Variants in KIF11 observed in about 807,000 individuals in gnomAD.
KIF11 encodes kinesin-like protein KIF11.
Under a neutral mutation model 121.0 loss-of-function variants are expected in KIF11, and 9 were observed. The ratio of observed to expected loss-of-function variants is 0.07; its 90% CI spans 0.04 to 0.13. The LOEUF (loss-of-function observed/expected upper bound fraction) is 0.13, where lower values mean the gene tolerates loss of function less well. Among genes scored for constraint, KIF11 ranks in the 10% least tolerant of loss-of-function variants. The pLI, the probability that KIF11 is intolerant of heterozygous loss-of-function variation, is 1.00. For missense variants in KIF11, 846 were observed against 1,217.5 expected, an observed-to-expected ratio of 0.69 and a Z score of 4.54; for synonymous variants, 408 against 421.0, an observed-to-expected ratio of 0.97 and a Z score of 0.38.
At chr10:92,619,656 T>C (rs1418335699) in intron 9 of KIF11, among the ~76,000 whole-genome samples, 1 of 152,142 alleles carries the variant, frequency 6.6e-6, no homozygotes, top group African/African-American at 2.4e-5. Flanking sequence ...GTGTAACTTT[T>C]TTATTTTAGT....
In KIF11 at chr10:92,654,141, C is replaced by T. The variant is rs1845019314; in HGVS notation, c.*345C>T. On this transcript the variant is annotated 3_prime_UTR_variant, in exon 22 of 22. Transcript: ENST00000260731. The stretch of plus-strand genomic sequence containing the variant: ...AGTGAGCCAAAGGTACACCACTACA[C>T]TCCAGCCTGGGCAACAGAGCAAGAC... The T allele has an allele frequency of 5.7e-6, 1 of 174,180 alleles. No individual in the cohort carries two copies. The highest frequency in any genetic ancestry group is 2.4e-5 in the African/African-American group (1 of 42,110). 10.8% of individuals were successfully genotyped at this position (174,180 alleles called of 1,614,324 possible).
chr10:92,621,704 C>T (rs745853638), intron 10 of KIF11, among the ~76,000 whole-genome samples: 1 of 152,102 alleles, frequency 6.6e-6, no homozygotes, highest in Middle Eastern at 3.4e-3. Flanking sequence ...TGGGCTCAAG[C>T]GATCCTCCTG....
At position 92,630,381 on chromosome 10, in the gene KIF11, G is replaced by T; in HGVS notation, c.1494+17G>T. 1 of 1,500,030 alleles carries T rather than the reference G, an allele frequency of 6.7e-7. No individual in the cohort carries two copies. Among genetic ancestry groups the T allele is most frequent in the South Asian group, 1.4e-5 (1 of 70,492 alleles). 92.9% of individuals were successfully genotyped at this position (1,500,030 alleles called of 1,614,324 possible). On this transcript the variant is annotated intron_variant, in intron 12 of 21. Coordinates refer to ENST00000260731, the MANE Select transcript of KIF11 (RefSeq NM_004523.4). ...GCCAGCAAGGTTTGTCCCTTGTGTT[G>T]ATTTGTACTCATATTAAGTAGAGAA...
rs148384035 is a variant in KIF11, at chr10:92,620,843, C to T, written c.1129-542C>T. On this transcript the variant is annotated intron_variant, in intron 9 of 21. Coordinates refer to ENST00000260731, the MANE Select transcript of KIF11 (RefSeq NM_004523.4). ...ACAGCATGGAAAAGATCCGCCCCTACGATTCAGTCATCTCCCACCAGGTCC... is the reference window on the plus strand; with the variant it reads ...ACAGCATGGAAAAGATCCGCCCCTATGATTCAGTCATCTCCCACCAGGTCC... Among the ~76,000 whole-genome samples, 1,144 of 152,286 alleles carry T rather than the reference C, an allele frequency of 7.5e-3. 14 individuals are homozygous for T. The highest frequency in any genetic ancestry group is 0.026 in the African/African-American group (1,092 of 41,552).
At chr10:92,651,550 G>GTTTTTTT (rs1844984528) in intron 21 of KIF11, among the ~76,000 whole-genome samples, 1 of 35,284 alleles carries the variant, frequency 2.8e-5, no homozygotes. Context: ...TTTTTTTTTA[G>GTTTTTTT]TAGAGGGGGT....
chr10:92,646,293 T>G (rs1438944021), intron 18 of KIF11, among the ~76,000 whole-genome samples: 1 of 152,152 alleles, frequency 6.6e-6, no homozygotes, highest in East Asian at 1.9e-4. Flanking sequence ...TTCAAACCTA[T>G]TATTATTTTA....
chr10:92,648,604 A>G, intron 19 of KIF11, among the ~76,000 whole-genome samples, 170 bp downstream of exon 19: 1 of 152,232 alleles, frequency 6.6e-6, no homozygotes, highest in Non-Finnish European at 1.5e-5. Context: ...GTTTTAATCA[A>G]GTGTCATGAT....
chr10:92,609,283 AGAGAGAGAGAGAGAGAGAGAGTGT>A, intron 5 of KIF11, 78 bp downstream of exon 5: 2 of 1,256,086 alleles, frequency 1.6e-6, no homozygotes, highest in Non-Finnish European at 1.1e-6. Context: ...AGAGAGAGAG[AGAGAGAGAGAGAGAGAGAGAGTGT>A]GTGTGTGTGT....
At chr10:92,614,874 C>T (rs945727464) in intron 8 of KIF11, among the ~76,000 whole-genome samples, 3 of 152,140 alleles carry the variant, frequency 2.0e-5, no homozygotes, top group Admixed American at 2.0e-4. Flanking sequence ...ACTTAAATTC[C>T]TGGACTCAAG....
chr10:92,599,115 C>T (rs1844335482), intron 1 of KIF11, among the ~76,000 whole-genome samples: 1 of 151,264 alleles, frequency 6.6e-6, no homozygotes, highest in Admixed American at 6.7e-5. Flanking sequence ...ATAAGTCTTT[C>T]ACCTCCTTGG....
intron 6 of KIF11, among the ~76,000 whole-genome samples, chr10:92,610,014 C>T (rs918156829): frequency 2.6e-5 from 4 of 152,106 alleles, no homozygotes; most frequent in Non-Finnish European, 5.9e-5. Context: ...TGAGATTACA[C>T]GTGTGAGCCA....
intron 9 of KIF11, 54 bp downstream of exon 9, chr10:92,616,886 A>G: frequency 1.0e-6 from 1 of 994,492 alleles, no homozygotes; most frequent in Non-Finnish European, 1.5e-6. Flanking sequence ...ATGTGAAAAT[A>G]AGAAACTGAA....
intron 8 of KIF11, among the ~76,000 whole-genome samples, chr10:92,615,820 A>G (rs1051221767): frequency 4.0e-5 from 6 of 150,474 alleles, no homozygotes; most frequent in Admixed American, 2.0e-4. Context: ...ATTATTCTAT[A>G]GTATGGATAT....
In KIF11 at chr10:92,613,115, C is replaced by T. The variant is rs749542461; in HGVS notation, c.774C>T (p.Ile258=). The change falls in exon 7 of 22, where the codon ATC becomes ATT. Residue 258 remains isoleucine (I), a synonymous_variant. Coordinates refer to ENST00000260731, the MANE Select transcript of KIF11 (RefSeq NM_004523.4). The surrounding 1 kb of genome is among the most constrained non-coding windows in gnomAD (Gnocchi z 4.2). ...TTIDGEELVK[I]GKLNLVDLAG... ...TTGATGGAGAAGAGCTTGTTAAAAT[C>T]GGAAAGTTGAACTTGGTAAGCATCC... 1.1e-5 allele frequency: 18 copies of T among 1,609,456 alleles called. No individual in the cohort carries two copies. Among genetic ancestry groups the T allele is most frequent in the South Asian group, 7.7e-5 (7 of 90,916 alleles).
chr10:92,649,146 A>G (rs1182601476), intron 19 of KIF11, among the ~76,000 whole-genome samples: 5 of 151,890 alleles, frequency 3.3e-5, no homozygotes, highest in South Asian at 2.1e-4. Flanking sequence ...TTAAAAAGCA[A>G]TTGTTAAAAG....
intron 14 of KIF11, 143 bp from the exon 15 acceptor site, chr10:92,637,032 CAAAAAAAAA>C (rs66987236): frequency 1.1e-5 from 4 of 374,798 alleles, no homozygotes; most frequent in Admixed American, 6.6e-5. Context: ...GACTCCGTCT[CAAAAAAAAA>C]AAAAAAAAAA....
At chr10:92,652,538 CAT>C (rs1239367606) in intron 21 of KIF11, among the ~76,000 whole-genome samples, 1 of 152,230 alleles carries the variant, frequency 6.6e-6, no homozygotes, top group East Asian at 1.9e-4. Flanking sequence ...CTCAGATTCT[CAT>C]AAATTCCTCC....
At chr10:92,623,528 C>T (rs924656774) in intron 10 of KIF11, among the ~76,000 whole-genome samples, 1 of 152,116 alleles carries the variant, frequency 6.6e-6, no homozygotes, top group African/African-American at 2.4e-5. Flanking sequence ...TAATCTTTTA[C>T]TGAACTTTTT....
chr10:92,648,121 AAT>A (rs1283433840), intron 18 of KIF11, 89 bp from the exon 19 acceptor site: 6 of 945,222 alleles, frequency 6.3e-6, no homozygotes, highest in African/African-American at 1.8e-5. Context: ...AAAAAAAAAA[AAT>A]TATGGAAAAG....
Sources: allele counts gnomAD v4.1 joint callset (sites outside exome capture counted in the v4.1 genomes callset), GRCh38; gene constraint gnomAD v4.1.1; non-coding constraint Gnocchi (gnomAD v3.1); transcripts MANE v1.5; gene names NCBI Gene and HGNC (gene_info 2026-07-23, HGNC 2026-07-21).